Variants in YPEL2 observed in about 807,000 individuals in gnomAD.
YPEL2 encodes protein yippee-like 2.
YPEL2 carries 2 observed loss-of-function variants against 19.1 expected under a neutral mutation model. That is an observed-to-expected ratio of 0.10 (90% CI 0.04 to 0.33). The LOEUF is 0.33. Among genes scored for constraint, YPEL2 ranks in the 10% least tolerant of loss-of-function variants. YPEL2 has a pLI of 1.00. For missense variants in YPEL2, 66 were observed against 140.7 expected (o/e 0.47, Z 2.68); for synonymous variants, 52 against 50.0 (o/e 1.04, Z -0.17).
At chr17:59,340,934 G>C (rs2147934451) in intron 1 of YPEL2, among the ~76,000 whole-genome samples, 1 of 145,670 alleles carries the variant, frequency 6.9e-6, no homozygotes, top group East Asian at 2.1e-4. Flanking sequence ...AGGCTGGTCT[G>C]GAACACCTGA....
chr17:59,332,470 G>A (rs1043558303), intron 1 of YPEL2, among the ~76,000 whole-genome samples: 1 of 152,128 alleles, frequency 6.6e-6, no homozygotes, highest in African/African-American at 2.4e-5. Context: ...CCTGCCCGAC[G>A]GAACGCGGGA....
chr17:59,363,223 A>G (rs11079373), intron 2 of YPEL2: 97,157 of 151,926 alleles, frequency 0.64, 32,602 homozygotes, highest in African/African-American at 0.85. Flanking sequence ...TCCTGACCTC[A>G]AGCAGACTTC....
intron 2 of YPEL2, among the ~76,000 whole-genome samples, chr17:59,370,149 T>G (rs2047889589): frequency 6.6e-6 from 1 of 152,208 alleles, no homozygotes; most frequent in African/African-American, 2.4e-5. Context: ...CTCTGCCTCC[T>G]GGGTTCACGC....
chr17:59,388,163 T>C (rs560890509), intron 2 of YPEL2, among the ~76,000 whole-genome samples, 164 bp from the exon 3 acceptor site: 397 of 152,308 alleles, frequency 2.6e-3, no homozygotes, highest in African/African-American at 8.8e-3. Flanking sequence ...TTCCGCCCTC[T>C]TCTCCGCCCC....
rs577024350 is a variant in YPEL2, at chr17:59,390,110, C to T, written c.270+642C>T. On this transcript the variant is annotated intron_variant, in intron 4 of 4. Coordinates refer to ENST00000312655, the MANE Select transcript of YPEL2 (RefSeq NM_001005404.4). The stretch of plus-strand genomic sequence containing the variant: ...CTGTCTCCCAGATTCAAGCGATTCT[C>T]ATGCCTCAGCCTCCCAAGTAGCTGG... Among the ~76,000 whole-genome samples the T allele has an allele frequency of 4.6e-5, 7 of 152,288 alleles. No homozygotes were observed. The South Asian group carries it at 1.0e-3, about 23-fold the overall frequency.
chr17:59,398,046 TGAG>T lies in YPEL2; in HGVS notation c.*860_*862del, dbSNP rs2048049908. On this transcript the variant is annotated 3_prime_UTR_variant, in exon 5 of 5. Transcript: ENST00000312655. ...CCAGCAACCAAGTAAAATCAGTAAT[TGAG>T]GAGAGCAGGGCACAAAGGGGCTGCA... 6.6e-6 allele frequency: 1 copy of T among 152,198 alleles called. No individual in the cohort carries two copies. The allele number at this position is 152,198 out of a possible 1,614,324, so 9.4% of individuals were successfully genotyped here.
intron 2 of YPEL2, among the ~76,000 whole-genome samples, chr17:59,380,345 C>T (rs967766202): frequency 5.5e-5 from 8 of 144,276 alleles, no homozygotes; most frequent in Admixed American, 2.9e-4. Flanking sequence ...GGTGCTGTCT[C>T]GACAACCTGT....
chr17:59,393,966 C>T (rs1212654099), intron 4 of YPEL2, among the ~76,000 whole-genome samples: 1 of 152,250 alleles, frequency 6.6e-6, no homozygotes, highest in Non-Finnish European at 1.5e-5. Context: ...CCCCACCTTT[C>T]CCCCTTTTCT....
chr17:59,337,021 A>G (rs1223936760), intron 1 of YPEL2, among the ~76,000 whole-genome samples: 1 of 151,926 alleles, frequency 6.6e-6, no homozygotes, highest in Non-Finnish European at 1.5e-5. Context: ...CTCCGTTGTT[A>G]TTTTTACCGA....
chr17:59,349,194 A>ATC (rs1227739537), intron 1 of YPEL2, among the ~76,000 whole-genome samples: 24 of 151,108 alleles, frequency 1.6e-4, no homozygotes, highest in African/African-American at 5.6e-4. Context: ...AAAAAAAAAA[A>ATC]AAAATCAATT....
intron 4 of YPEL2, among the ~76,000 whole-genome samples, chr17:59,393,170 C>A (rs1164795727): frequency 6.6e-6 from 1 of 152,134 alleles, no homozygotes; most frequent in Non-Finnish European, 1.5e-5. Context: ...GAGACAGGCC[C>A]CTGGCTGGAC....
At chr17:59,358,256 TC>T (rs1302172576) in intron 2 of YPEL2, among the ~76,000 whole-genome samples, 2 of 152,160 alleles carry the variant, frequency 1.3e-5, no homozygotes, top group African/African-American at 2.4e-5. Context: ...TGGTTTTTAT[TC>T]CCTATGGGGT....
intron 2 of YPEL2, among the ~76,000 whole-genome samples, chr17:59,367,240 T>C (rs2047874782): frequency 6.6e-6 from 1 of 152,166 alleles, no homozygotes; most frequent in Non-Finnish European, 1.5e-5. Flanking sequence ...CAAAATCTCC[T>C]CCTGGATCCC....
chr17:59,353,990 G>T lies in YPEL2; in HGVS notation c.117+464G>T, dbSNP rs2047800031. 3 of 261,424 alleles carry T rather than the reference G, an allele frequency of 1.1e-5. No homozygotes were observed. Among genetic ancestry groups the T allele is most frequent in the Non-Finnish European group, 2.2e-5 (3 of 133,496 alleles). The allele number at this position is 261,424 out of a possible 1,614,324, so 16.2% of individuals were successfully genotyped here. A position where few individuals can be genotyped will look rare whatever the true frequency, so the allele number is the denominator to read the frequency against. ...ACTAAAATGGGTGGCTTTTGGCAGGGACCAAAAGTGGCTTGTTGAAGAGCT... is the reference window on the plus strand; with the variant it reads ...ACTAAAATGGGTGGCTTTTGGCAGGTACCAAAAGTGGCTTGTTGAAGAGCT... On this transcript the variant is annotated intron_variant, in intron 2 of 4. Coordinates refer to ENST00000312655, the MANE Select transcript of YPEL2 (RefSeq NM_001005404.4). This position sits in a 1 kb window ranked among gnomAD's most constrained non-coding sequence, Gnocchi z 4.8.
chr17:59,368,966 G>C (rs1303145506), intron 2 of YPEL2, among the ~76,000 whole-genome samples: 1 of 152,104 alleles, frequency 6.6e-6, no homozygotes, highest in Non-Finnish European at 1.5e-5. Flanking sequence ...CTCCTTGGTG[G>C]TGCCTTCAGC....
chr17:59,376,930 CAA>C (rs2047923879), intron 2 of YPEL2, among the ~76,000 whole-genome samples: 1 of 94,112 alleles, frequency 1.1e-5, no homozygotes, highest in Admixed American at 1.8e-4. Context: ...ACCTGAGTGA[CAA>C]GAGCAACACA....
chr17:59,340,197 C>G, intron 1 of YPEL2, among the ~76,000 whole-genome samples: 1 of 151,936 alleles, frequency 6.6e-6, no homozygotes, highest in East Asian at 1.9e-4. Context: ...AATCTCCACC[C>G]CCCCAGGTTC....
intron 1 of YPEL2, among the ~76,000 whole-genome samples, chr17:59,339,854 A>G (rs1254203780): frequency 6.6e-6 from 1 of 152,154 alleles, no homozygotes; most frequent in African/African-American, 2.4e-5. Flanking sequence ...TCATAGACGC[A>G]TAACAGGGAA....
intron 1 of YPEL2, among the ~76,000 whole-genome samples, chr17:59,336,111 G>C (rs2047697598): frequency 6.6e-6 from 1 of 152,196 alleles, no homozygotes; most frequent in South Asian, 2.1e-4. Flanking sequence ...AGTATTTGTT[G>C]GTTGAATGCG....
Sources: allele counts gnomAD v4.1 joint callset (sites outside exome capture counted in the v4.1 genomes callset), GRCh38; gene constraint gnomAD v4.1.1; non-coding constraint Gnocchi (gnomAD v3.1); transcripts MANE v1.5; gene names NCBI Gene and HGNC (gene_info 2026-07-23, HGNC 2026-07-21).